The following FLNB variants were observed in gnomAD, a reference collection of about 807,000 sequenced individuals.
FLNB encodes filamin-B.
A neutral mutation model predicts 250.6 loss-of-function variants in FLNB; 111 were observed. The ratio of observed to expected loss-of-function variants is 0.44; its 90% confidence interval spans 0.38 to 0.52. The LOEUF is 0.52. Ranked by LOEUF, FLNB falls within the 20% of genes least tolerant of loss-of-function variation. FLNB has a pLI of 0.00. For synonymous variants in FLNB, 1,302 were observed against 1,372.1 expected, an observed-to-expected ratio of 0.95 and a Z score of 1.13; for missense variants, 2,869 against 3,447.8, an observed-to-expected ratio of 0.83 and a Z score of 4.20.
chr3:58,070,052 T>TC (rs55931539), intron 1 of FLNB, among the ~76,000 whole-genome samples: 34 of 144,454 alleles, frequency 2.4e-4, no homozygotes, highest in Admixed American at 4.8e-4. Flanking sequence ...TTTCTTTCTT[T>TC]TTTTTTTTTT....
intron 41 of FLNB, among the ~76,000 whole-genome samples, chr3:58,156,657 C>G (rs1264577203): frequency 6.6e-6 from 1 of 152,114 alleles, no homozygotes; most frequent in Non-Finnish European, 1.5e-5. Flanking sequence ...TAGTATGAGG[C>G]AGAACAGGCA....
At chr3:58,014,675 C>T (rs1001823066) in intron 1 of FLNB, among the ~76,000 whole-genome samples, 12 of 152,300 alleles carry the variant, frequency 7.9e-5, no homozygotes, top group Non-Finnish European at 1.6e-4. Context: ...GGCCTGGAGC[C>T]TTTAGGCCCT....
At chr3:58,115,290 A>G (rs112893148) in intron 18 of FLNB, among the ~76,000 whole-genome samples, 2,078 of 152,304 alleles carry the variant, frequency 0.014, 54 homozygotes, top group African/African-American at 0.047. Flanking sequence ...TTTAGGAGAA[A>G]GCACCAGAAA....
chr3:58,036,955 C>T (rs1559649599), intron 1 of FLNB, among the ~76,000 whole-genome samples: 1 of 151,338 alleles, frequency 6.6e-6, no homozygotes, highest in Non-Finnish European at 1.5e-5. Context: ...GAATCAGGGT[C>T]ATCAAATAGC....
At position 58,008,498 on chromosome 3, in the gene FLNB, G is replaced by C. The variant is rs2097093616; in HGVS notation, c.-67G>C. On this transcript the variant is annotated 5_prime_UTR_variant, in exon 1 of 46. Transcript: ENST00000295956. Reference sequence around the variant, plus strand: ...GCTCCGCTTCGGTTCTCGCTCCTTCGGCCCTTGGGCCTCCAAACACCAGTC... The same window carrying C: ...GCTCCGCTTCGGTTCTCGCTCCTTCCGCCCTTGGGCCTCCAAACACCAGTC... 3.3e-6 allele frequency: 5 copies of C among 1,525,500 alleles called. No homozygotes were observed. The African/African-American group carries it at 5.5e-5, about 17-fold the overall frequency. 94.5% of individuals were successfully genotyped at this position (1,525,500 alleles called of 1,614,324 possible). A position where few individuals can be genotyped will look rare whatever the true frequency, so the allele number is the denominator to read the frequency against.
intron 1 of FLNB, among the ~76,000 whole-genome samples, chr3:58,053,249 A>AT (rs1271248067): frequency 2.0e-5 from 3 of 152,086 alleles, no homozygotes; most frequent in Non-Finnish European, 4.4e-5. Context: ...CATTATTATT[A>AT]TTTTTTAGAA....
chr3:58,129,135 G>A (rs1452089170), intron 24 of FLNB, among the ~76,000 whole-genome samples: 2 of 152,164 alleles, frequency 1.3e-5, no homozygotes, highest in East Asian at 1.9e-4. Context: ...TTAAAAACCC[G>A]GAGTGGAGTT....
intron 18 of FLNB, among the ~76,000 whole-genome samples, chr3:58,114,481 T>C (rs1304882440): frequency 2.6e-5 from 4 of 152,250 alleles, no homozygotes; most frequent in African/African-American, 9.6e-5. Context: ...GTCTTTTGTC[T>C]GTTGTGAATA....
intron 1 of FLNB, among the ~76,000 whole-genome samples, chr3:58,071,499 G>A (rs139876818): frequency 6.6e-5 from 10 of 151,950 alleles, no homozygotes; most frequent in African/African-American, 2.2e-4. Flanking sequence ...GGCTGGCCTC[G>A]AACTCCTGAC....
intron 1 of FLNB, among the ~76,000 whole-genome samples, chr3:58,013,509 GT>G (rs2097101851): frequency 6.6e-6 from 1 of 152,310 alleles, no homozygotes; most frequent in East Asian, 1.9e-4. Flanking sequence ...TGTCTTTTGG[GT>G]AGTACAGAGA....
At chr3:58,133,023 C>T (rs1488059909) in intron 26 of FLNB, 92 bp downstream of exon 26, 1 of 1,382,072 alleles carries the variant, frequency 7.2e-7, no homozygotes, top group Non-Finnish European at 1.0e-6. Context: ...ATCCGTTCCT[C>T]CATCATTCCA....
At chr3:58,081,810 C>T (rs377057780) in intron 4 of FLNB, 34 bp downstream of exon 4, 6 of 1,611,588 alleles carry the variant, frequency 3.7e-6, no homozygotes, top group Non-Finnish European at 5.1e-6. Context: ...GTATTGGAGA[C>T]ATGTCCTCTG....
intron 1 of FLNB, among the ~76,000 whole-genome samples, chr3:58,031,641 T>A (rs2097131288): frequency 7.7e-6 from 1 of 130,510 alleles, no homozygotes; most frequent in Admixed American, 8.9e-5. Flanking sequence ...AGCTTCCACC[T>A]CCCAGGCTCA....
chr3:58,168,595 A>G lies in FLNB; in HGVS notation c.7354A>G (p.Ile2452Val). The change falls in exon 44 of 46, where the codon ATC (isoleucine) becomes GTC (valine). Residue 2452 changes from isoleucine to valine, a missense_variant. Physicochemically the swap from Ile to Val is conservative, Grantham distance 29 (BLOSUM62 3). Coordinates refer to ENST00000295956, the MANE Select transcript of FLNB (RefSeq NM_001457.4). ...CCCCATGGCTCCTGGTAACTACCTG[A>G]TCAGCGTCAAATACGGTGGGCCCAA... ...YTPMAPGNYL[I>V]SVKYGGPNHI... The G allele has an allele frequency of 6.2e-7, 1 of 1,614,204 alleles. No homozygotes were observed. The highest frequency in any genetic ancestry group is 2.2e-5 in the East Asian group (1 of 44,892).
At position 58,123,641 on chromosome 3, in the gene FLNB, C is replaced by T. The variant is rs143962830; in HGVS notation, c.3675C>T (p.Ala1225=). The T allele has an allele frequency of 1.1e-4, 175 of 1,611,578 alleles. No homozygotes were observed. In the African/African-American group the frequency reaches 1.1e-3, roughly 10 times the overall value. The change falls in exon 21 of 46, where the codon GCC becomes GCT. Residue 1225 remains alanine (A), a synonymous_variant. Coordinates refer to ENST00000295956, the MANE Select transcript of FLNB (RefSeq NM_001457.4). ...HFPARVKVEP[A]VDTSRIKVFG... Reference sequence around the variant, plus strand: ...CCGCCCGGGTCAAGGTGGAGCCCGCCGTGGACACCAGCAGGATCAAAGTCT... The same window carrying T: ...CCGCCCGGGTCAAGGTGGAGCCCGCTGTGGACACCAGCAGGATCAAAGTCT...
intron 41 of FLNB, among the ~76,000 whole-genome samples, chr3:58,158,629 T>C (rs767442876): frequency 7.2e-5 from 11 of 152,220 alleles, no homozygotes; most frequent in Non-Finnish European, 1.2e-4. Context: ...ACTTGTAAAA[T>C]GCTGCTGTTC....
chr3:58,097,147 G>A (rs1336130167), intron 6 of FLNB, among the ~76,000 whole-genome samples: 1 of 152,146 alleles, frequency 6.6e-6, no homozygotes, highest in Non-Finnish European at 1.5e-5. Context: ...CCCAGACTTT[G>A]GAATACAGAC....
rs192453118 is a variant in FLNB at position 58,030,895 on chromosome 3, C to T, written c.292+22039C>T. 4.9e-3 allele frequency among the ~76,000 whole-genome samples: 747 copies of T among 152,142 alleles called. 6 individuals are homozygous for T. Among genetic ancestry groups the T allele is most frequent in the African/African-American group, 0.017 (712 of 41,506 alleles). On this transcript the variant is annotated intron_variant, in intron 1 of 45. Transcript: ENST00000295956. ...TGAGACCCTGTCTCAAAAACAACAA[C>T]AACAAAATCTTATGTACCCCATAAA...
chr3:58,124,239 C>A, intron 21 of FLNB, 93 bp from the exon 22 acceptor site: 3 of 1,295,900 alleles, frequency 2.3e-6, no homozygotes, highest in Non-Finnish European at 3.4e-6. Flanking sequence ...AATTGGACTT[C>A]ATGTGTCCTG....
Sources: gnomAD v4.1 joint callset for allele counts (sites outside exome capture counted in the v4.1 genomes callset) on GRCh38, gnomAD v4.1.1 for gene constraint, MANE v1.5 for transcripts, NCBI Gene and HGNC (gene_info 2026-07-23, HGNC 2026-07-21) for gene names.